The following IL22RA2 variants were observed in gnomAD, a reference collection of about 807,000 sequenced individuals.
IL22RA2 encodes interleukin-22 receptor subunit alpha-2.
A neutral mutation model predicts 30.7 loss-of-function variants in IL22RA2; 39 were observed. The ratio of observed to expected loss-of-function variants is 1.27; its 90% CI spans 0.98 to 1.66. IL22RA2 has a LOEUF of 1.66. IL22RA2 is among the 40% of genes most tolerant of loss of function. The probability of loss-of-function intolerance (pLI) is 0.00; values close to 1 mark genes in which losing one functional copy is unlikely to be tolerated. For synonymous variants in IL22RA2, 103 were observed against 105.0 expected (o/e 0.98, Z 0.11); for missense variants, 315 against 312.7 (o/e 1.01, Z -0.05).
chr6:137,151,990 TA>T (rs1778301317), intron 5 of IL22RA2, among the ~76,000 whole-genome samples: 1 of 152,198 alleles, frequency 6.6e-6, no homozygotes, highest in African/African-American at 2.4e-5. Flanking sequence ...CTCAAATGAT[TA>T]AATATAGAGT....
intron 5 of IL22RA2, among the ~76,000 whole-genome samples, chr6:137,148,829 C>A (rs544487254): frequency 6.6e-6 from 1 of 152,296 alleles, no homozygotes; most frequent in African/African-American, 2.4e-5. Flanking sequence ...ATATTTCAGG[C>A]ATTGTCCTAT....
chr6:137,160,395 G>A (rs567324420), intron 2 of IL22RA2, among the ~76,000 whole-genome samples: 2 of 152,276 alleles, frequency 1.3e-5, no homozygotes, highest in East Asian at 3.9e-4. Context: ...CTGAAAAAAC[G>A]AAGCCTTGGA....
chr6:137,150,985 C>T (rs1327627564), intron 5 of IL22RA2, among the ~76,000 whole-genome samples: 1 of 152,056 alleles, frequency 6.6e-6, no homozygotes, highest in Non-Finnish European at 1.5e-5. Flanking sequence ...GGATGGATCC[C>T]TAAGTACTAA....
Position 137,150,430 on chromosome 6 carries a change from G to GTC in IL22RA2, c.473-2540_473-2539insGA, listed in dbSNP as rs374428225. Among the ~76,000 whole-genome samples, 183 of 150,570 alleles carry GTC rather than the reference G, an allele frequency of 1.2e-3. 6 individuals are homozygous for GTC. The South Asian group carries it at 0.02, about 16-fold the overall frequency. ...TACTAAGAGGCCCCGAAATAAAATG[G>GTC]CTTTTTAAAGGACCTGGTCTAAAGC... On this transcript the variant is annotated intron_variant, in intron 5 of 6. Transcript: ENST00000296980.
intron 1 of IL22RA2, among the ~76,000 whole-genome samples, chr6:137,171,986 C>A (rs1778744608): frequency 6.6e-6 from 1 of 152,194 alleles, no homozygotes; most frequent in Non-Finnish European, 1.5e-5. Context: ...TTTTATGTTC[C>A]CTTTTCACCT....
chr6:137,155,229 T>C, intron 4 of IL22RA2, 110 bp from the exon 5 acceptor site: 1 of 717,154 alleles, frequency 1.4e-6, no homozygotes, highest in Non-Finnish European at 2.3e-6. Flanking sequence ...AATACCACCA[T>C]GATAGCTTAT....
chr6:137,150,988 A>G (rs1238982381), intron 5 of IL22RA2, among the ~76,000 whole-genome samples: 6 of 152,160 alleles, frequency 3.9e-5, no homozygotes, highest in African/African-American at 1.4e-4. Flanking sequence ...TGGATCCCTA[A>G]GTACTAAGAT....
At chr6:137,157,674 C>A (rs991188669) in intron 3 of IL22RA2, among the ~76,000 whole-genome samples, 1 of 151,182 alleles carries the variant, frequency 6.6e-6, no homozygotes, top group Non-Finnish European at 1.5e-5. Flanking sequence ...GAGCCTCAAC[C>A]CCCCTCACCC....
At chr6:137,155,908 T>A (rs1246011546) in intron 4 of IL22RA2, among the ~76,000 whole-genome samples, 1 of 152,204 alleles carries the variant, frequency 6.6e-6, no homozygotes, top group Non-Finnish European at 1.5e-5. Flanking sequence ...GCTCTGTGGT[T>A]TTGGCTGTTT....
At chr6:137,171,372 C>T (rs1439445250) in intron 1 of IL22RA2, among the ~76,000 whole-genome samples, 1 of 152,226 alleles carries the variant, frequency 6.6e-6, no homozygotes, top group Non-Finnish European at 1.5e-5. Context: ...CAGAAGCCGG[C>T]TTGCAAAGCC....
intron 2 of IL22RA2, 138 bp downstream of exon 2, chr6:137,161,551 C>T: frequency 1.5e-6 from 1 of 688,150 alleles, no homozygotes; most frequent in South Asian, 1.7e-5. Context: ...TAACCCCATG[C>T]CTGCTCTGAT....
chr6:137,168,053 A>G (rs897585700), intron 1 of IL22RA2, among the ~76,000 whole-genome samples: 3 of 152,340 alleles, frequency 2.0e-5, no homozygotes, highest in Non-Finnish European at 2.9e-5. Context: ...GTGCCCATGC[A>G]TAGTATAAGT....
intron 6 of IL22RA2, 47 bp downstream of exon 6, chr6:137,147,675 T>G: frequency 7.2e-7 from 1 of 1,392,114 alleles, no homozygotes; most frequent in Non-Finnish European, 9.8e-7. Context: ...ATTGGTTAAA[T>G]AAACAAAAGA....
chr6:137,153,564 T>C (rs1778337604), intron 5 of IL22RA2, among the ~76,000 whole-genome samples: 2 of 152,186 alleles, frequency 1.3e-5, no homozygotes, highest in Non-Finnish European at 2.9e-5. Context: ...TTCTTCTGGT[T>C]TATAACAAAA....
Position 137,145,527 on chromosome 6 carries a change from T to C in IL22RA2, c.*97A>G. 8.5e-7 allele frequency: 1 copy of C among 1,175,418 alleles called. No individual in the cohort carries two copies. The highest frequency in any genetic ancestry group is 1.2e-6 in the Non-Finnish European group (1 of 852,436). The allele number at this position is 1,175,418 out of a possible 1,614,324, so 72.8% of individuals were successfully genotyped here. On this transcript the variant is annotated 3_prime_UTR_variant, in exon 7 of 7. Coordinates refer to ENST00000296980, the MANE Select transcript of IL22RA2 (RefSeq NM_052962.3). ...AACAGTGAATATTGCTTTAAGAAAA[T>C]ACAAAAACAATTTTAAATAAGATCC...
chr6:137,145,584 C>G lies in IL22RA2; in HGVS notation c.*40G>C. On this transcript the variant is annotated 3_prime_UTR_variant, in exon 7 of 7. Coordinates refer to ENST00000296980, the MANE Select transcript of IL22RA2 (RefSeq NM_052962.3). ...CACGAGTCATCCTGTTCTCAGGGAG[C>G]TTTAGAATTTCCACATTGCTGAATG... is the stretch of plus-strand genomic sequence containing the variant. 1 of 1,571,880 alleles carries G rather than the reference C, an allele frequency of 6.4e-7. No homozygotes were observed. Among genetic ancestry groups the G allele is most frequent in the Non-Finnish European group, 8.6e-7 (1 of 1,157,864 alleles).
intron 1 of IL22RA2, among the ~76,000 whole-genome samples, chr6:137,166,186 G>T (rs1032278061): frequency 6.6e-6 from 1 of 152,232 alleles, no homozygotes; most frequent in Admixed American, 6.5e-5. Context: ...ATATGCAGTG[G>T]TAACACTGAA....
intron 5 of IL22RA2, among the ~76,000 whole-genome samples, chr6:137,151,992 A>G (rs971237823): frequency 2.4e-4 from 37 of 152,222 alleles, no homozygotes; most frequent in African/African-American, 8.7e-4. Context: ...CAAATGATTA[A>G]ATATAGAGTT....
chr6:137,167,834 G>A (rs907431511), intron 1 of IL22RA2, among the ~76,000 whole-genome samples: 5 of 152,184 alleles, frequency 3.3e-5, no homozygotes, highest in African/African-American at 9.7e-5. Flanking sequence ...GTTGGTCCAC[G>A]CACGGCTGAA....
Sources: allele counts gnomAD v4.1 joint callset (sites outside exome capture counted in the v4.1 genomes callset), GRCh38; gene constraint gnomAD v4.1.1; transcripts MANE v1.5; gene names NCBI Gene and HGNC (gene_info 2026-07-23, HGNC 2026-07-21).